Variants in RAD54B observed in about 807,000 individuals in gnomAD.
RAD54B encodes DNA repair and recombination protein RAD54B.
A neutral mutation model predicts 95.8 loss-of-function variants in RAD54B; 78 were observed. The observed-to-expected ratio is 0.81, with a 90% CI of 0.68 to 0.98. RAD54B has a LOEUF of 0.98. Among genes scored for constraint, RAD54B ranks in the 50% least tolerant of loss-of-function variants. The pLI is 0.00. For missense variants in RAD54B, 957 were observed against 1,056.6 expected (o/e 0.91, Z 1.31); for synonymous variants, 328 against 354.9 (o/e 0.92, Z 0.85).
chr8:94,438,794 G>A (rs147436519), intron 3 of RAD54B, among the ~76,000 whole-genome samples: 1 of 152,250 alleles, frequency 6.6e-6, no homozygotes, highest in African/African-American at 2.4e-5. Flanking sequence ...AATTTTTTAA[G>A]ACTTAAAATG....
chr8:94,383,855 T>G (rs905123664), intron 11 of RAD54B, among the ~76,000 whole-genome samples: 1 of 152,148 alleles, frequency 6.6e-6, no homozygotes, highest in Non-Finnish European at 1.5e-5. Flanking sequence ...GGATGACTAT[T>G]ATCAAAAAAA....
At chr8:94,404,671 C>T (rs1490742020) in intron 5 of RAD54B, among the ~76,000 whole-genome samples, 1 of 152,146 alleles carries the variant, frequency 6.6e-6, no homozygotes, top group African/African-American at 2.4e-5. Flanking sequence ...AACATACAGG[C>T]TTTCTATCTT....
intron 3 of RAD54B, among the ~76,000 whole-genome samples, chr8:94,442,377 C>T (rs370832073): frequency 1.1e-4 from 17 of 152,114 alleles, no homozygotes; most frequent in African/African-American, 4.1e-4. Context: ...TCAAGACCAT[C>T]CTGGCTAACA....
chr8:94,463,376 A>G (rs1208446740), intron 2 of RAD54B, among the ~76,000 whole-genome samples: 1 of 152,036 alleles, frequency 6.6e-6, no homozygotes, highest in Non-Finnish European at 1.5e-5. Context: ...CAAAACCACA[A>G]TGAGGTACTA....
chr8:94,401,573 G>C (rs1811269167), intron 6 of RAD54B, among the ~76,000 whole-genome samples: 1 of 152,100 alleles, frequency 6.6e-6, no homozygotes, highest in Non-Finnish European at 1.5e-5. Flanking sequence ...TATTAGTTAA[G>C]TTTCTGCAAA....
intron 2 of RAD54B, among the ~76,000 whole-genome samples, chr8:94,459,574 A>C (rs942487437): frequency 1.3e-5 from 2 of 152,020 alleles, no homozygotes; most frequent in Non-Finnish European, 2.9e-5. Flanking sequence ...AAGATGAAAC[A>C]AGAGGCCGGG....
intron 1 of RAD54B, among the ~76,000 whole-genome samples, chr8:94,474,424 G>C (rs1360885441): frequency 6.6e-6 from 1 of 152,190 alleles, no homozygotes; most frequent in East Asian, 1.9e-4. Context: ...ATACTCAGTA[G>C]GTTAGCTGTG....
chr8:94,460,454 G>C (rs1414930412), intron 2 of RAD54B, among the ~76,000 whole-genome samples: 1 of 152,174 alleles, frequency 6.6e-6, no homozygotes, highest in Non-Finnish European at 1.5e-5. Flanking sequence ...CTGGGCAACA[G>C]AGCCAGACCC....
chr8:94,389,005 G>C (rs1190900199), intron 10 of RAD54B, among the ~76,000 whole-genome samples: 1 of 152,208 alleles, frequency 6.6e-6, no homozygotes. Context: ...TGCCTATTTA[G>C]ACCAATCAGT....
chr8:94,384,525 GTTTTGTTTGCAAAACTGAAATAGT>G (rs539398147), intron 11 of RAD54B, among the ~76,000 whole-genome samples: 404 of 6,318 alleles, frequency 0.064, no homozygotes, highest in Admixed American at 0.076. Context: ...ATAGATTTCA[GTTTTGTTTGCAAAACTGAAATAGT>G]ATTTCAGTTT....
At position 94,374,088 on chromosome 8, in the gene RAD54B, G is replaced by A. The variant is rs575440247; in HGVS notation, c.2516-1701C>T. On this transcript the variant is annotated intron_variant, in intron 14 of 14. Transcript: ENST00000336148. ...AGGTCAGGTGATCGAGACCATCCTG[G>A]CTAACACAGTGTAACCCCGTCTCTA... Among the ~76,000 whole-genome samples, 5 of 152,226 alleles carry A rather than the reference G, an allele frequency of 3.3e-5. No homozygotes were observed. The South Asian group carries it at 1.0e-3, about 32-fold the overall frequency.
intron 14 of RAD54B, among the ~76,000 whole-genome samples, chr8:94,377,849 G>A (rs933975964): frequency 4.0e-5 from 6 of 148,680 alleles, no homozygotes; most frequent in South Asian, 2.2e-4. Flanking sequence ...GGTAGCGGGC[G>A]CCTGTAGTCC....
intron 6 of RAD54B, among the ~76,000 whole-genome samples, chr8:94,402,113 A>G (rs1438152966): frequency 1.3e-5 from 2 of 152,190 alleles, no homozygotes; most frequent in Non-Finnish European, 2.9e-5. Flanking sequence ...CATGACTACC[A>G]TCACGATTTG....
intron 3 of RAD54B, among the ~76,000 whole-genome samples, chr8:94,437,320 T>A (rs999573902): frequency 1.3e-5 from 2 of 152,184 alleles, no homozygotes; most frequent in African/African-American, 4.8e-5. Flanking sequence ...TATTTACAAA[T>A]CCAGTAGACA....
intron 8 of RAD54B, among the ~76,000 whole-genome samples, chr8:94,394,218 C>T (rs1811090905): frequency 6.6e-6 from 1 of 152,122 alleles, no homozygotes; most frequent in South Asian, 2.1e-4. Context: ...GTTATTTACA[C>T]CAGTTTATTT....
intron 4 of RAD54B, 65 bp from the exon 5 acceptor site, chr8:94,407,785 T>A: frequency 1.4e-6 from 2 of 1,402,976 alleles, no homozygotes; most frequent in Non-Finnish European, 9.7e-7. Flanking sequence ...TTCCCGTAAC[T>A]GTACAAAAAA....
intron 3 of RAD54B, among the ~76,000 whole-genome samples, chr8:94,440,985 G>A (rs1168531667): frequency 6.6e-6 from 1 of 152,198 alleles, no homozygotes; most frequent in African/African-American, 2.4e-5. Context: ...AAACCTAGTA[G>A]TTAAAAATTA....
chr8:94,411,051 T>G, intron 4 of RAD54B, 70 bp downstream of exon 4: 1 of 1,214,044 alleles, frequency 8.2e-7, no homozygotes, highest in South Asian at 1.4e-5. Flanking sequence ...CCAATTACAT[T>G]TCAATTATGT....
intron 5 of RAD54B, among the ~76,000 whole-genome samples, chr8:94,404,866 T>A (rs1260499690): frequency 1.3e-5 from 2 of 152,046 alleles, no homozygotes; most frequent in Non-Finnish European, 2.9e-5. Context: ...CAGGGTGGAG[T>A]GCAGTGGTGT....
Sources: gnomAD v4.1 joint callset for allele counts (sites outside exome capture counted in the v4.1 genomes callset) on GRCh38, gnomAD v4.1.1 for gene constraint, MANE v1.5 for transcripts, NCBI Gene and HGNC (gene_info 2026-07-23, HGNC 2026-07-21) for gene names.